Variants in FHIT observed in about 807,000 individuals in gnomAD.
The protein encoded by FHIT is fragile histidine triad diadenosine triphosphatase.
Under a neutral mutation model 17.9 loss-of-function variants are expected in FHIT, and 19 were observed. The ratio of observed to expected loss-of-function variants is 1.06; its 90% CI spans 0.74 to 1.56. The LOEUF is 1.56. Among genes scored for constraint, FHIT ranks in the 40% most tolerant of loss-of-function variants. The probability of loss-of-function intolerance (pLI) is 0.00; values close to 1 mark genes in which losing one functional copy is unlikely to be tolerated. For synonymous variants in FHIT, 81 were observed against 69.7 expected, an observed-to-expected ratio of 1.16 and a Z score of -0.81; for missense variants, 248 against 189.2, an observed-to-expected ratio of 1.31 and a Z score of -1.82.
chr3:59,818,506 A>G lies in FHIT; in HGVS notation c.349-66185T>C, dbSNP rs1700681598. 2.3e-5 allele frequency among the ~76,000 whole-genome samples: 3 copies of G among 133,162 alleles called. No individual in the cohort carries two copies. In the Admixed American group the frequency reaches 2.4e-4, roughly 11 times the overall value. The allele number at this position is 133,162 out of a possible 152,430, so 87.4% of individuals were successfully genotyped here. The stretch of plus-strand genomic sequence containing the variant: ...AGTCATTTACAGTAAGATACACGTA[A>G]ATAATAGTCCAGGAGGTAAAATGTG... On this transcript the variant is annotated intron_variant, in intron 8 of 9. Coordinates refer to ENST00000492590, the MANE Select transcript of FHIT (RefSeq NM_002012.4).
Position 59,797,438 on chromosome 3 carries a change from T to G in FHIT, c.349-45117A>C, listed in dbSNP as rs1018609019. ...CTGACTTCATGTGATCCGACCACCT[T>G]GGCCTCCCAAAATGTTGGGATTACA... On this transcript the variant is annotated intron_variant, in intron 8 of 9. Transcript: ENST00000492590. 2.6e-5 allele frequency among the ~76,000 whole-genome samples: 4 copies of G among 152,196 alleles called. No individual in the cohort carries two copies. The East Asian group carries it at 7.7e-4, about 29-fold the overall frequency.
intron 5 of FHIT, among the ~76,000 whole-genome samples, chr3:60,077,738 AGGG>A (rs138544854): frequency 1.6e-5 from 2 of 122,516 alleles, no homozygotes; most frequent in Non-Finnish European, 3.3e-5. Flanking sequence ...ACATATATAG[AGGG>A]GGGGGGGAGG....
intron 5 of FHIT, among the ~76,000 whole-genome samples, chr3:60,470,057 T>C (rs2033006727): frequency 7.4e-6 from 1 of 135,144 alleles, no homozygotes; most frequent in African/African-American, 3.0e-5. Flanking sequence ...TCTCTCTTTC[T>C]TTCTCTCTCT....
intron 5 of FHIT, among the ~76,000 whole-genome samples, chr3:60,164,495 A>G (rs1354189238): frequency 6.6e-6 from 1 of 152,194 alleles, no homozygotes; most frequent in African/African-American, 2.4e-5. Context: ...ATGTAACCTC[A>G]ACTGACAAGT....
chr3:60,258,629 A>T (rs1325428220), intron 5 of FHIT, among the ~76,000 whole-genome samples: 1 of 152,166 alleles, frequency 6.6e-6, no homozygotes, highest in East Asian at 1.9e-4. Context: ...TGAGGCACCT[A>T]TAACAAAAGG....
intron 8 of FHIT, among the ~76,000 whole-genome samples, chr3:59,830,622 C>T (rs1701131412): frequency 6.6e-6 from 1 of 152,172 alleles, no homozygotes; most frequent in Admixed American, 6.5e-5. Context: ...CAAACTCCCC[C>T]ATTCTTTCAT....
chr3:60,423,896 C>G (rs535550501), intron 5 of FHIT, among the ~76,000 whole-genome samples: 1 of 152,188 alleles, frequency 6.6e-6, no homozygotes, highest in African/African-American at 2.4e-5. Context: ...TCATTTCCCC[C>G]ACCTTTTCTC....
At position 61,036,741 on chromosome 3, in the gene FHIT, T is replaced by C. The variant is rs867043597; in HGVS notation, c.-111+5306A>G. ...TCTAGGCTCTAATATACTCAGATTA[T>C]TGATTTAAACCGGTGAGCACAATAA... On this transcript the variant is annotated intron_variant, in intron 3 of 9. Transcript: ENST00000492590. Among the ~76,000 whole-genome samples the C allele has an allele frequency of 2.6e-5, 4 of 152,238 alleles. No homozygotes were observed. In the Middle Eastern group the frequency reaches 0.01, roughly 388 times the overall value.
chr3:60,054,941 T>G (rs1348818068), intron 5 of FHIT, among the ~76,000 whole-genome samples: 1 of 152,206 alleles, frequency 6.6e-6, no homozygotes, highest in Admixed American at 6.5e-5. Context: ...GAAGTGGGAA[T>G]GGCTACCTTT....
At chr3:59,786,299 C>T (rs1293257425) in intron 8 of FHIT, among the ~76,000 whole-genome samples, 1 of 152,158 alleles carries the variant, frequency 6.6e-6, no homozygotes, top group Non-Finnish European at 1.5e-5. Flanking sequence ...GAATTTGACC[C>T]CCACTGGCTA....
chr3:60,161,000 AGT>A (rs1700915774), intron 5 of FHIT, among the ~76,000 whole-genome samples: 1 of 152,200 alleles, frequency 6.6e-6, no homozygotes, highest in South Asian at 2.1e-4. Flanking sequence ...CACAAGAAAC[AGT>A]GTATTTCTTT....
At position 59,894,632 on chromosome 3, in the gene FHIT, T is replaced by G. The variant is rs1019843249; in HGVS notation, c.348+27714A>C. Among the ~76,000 whole-genome samples, 4 of 152,140 alleles carry G rather than the reference T, an allele frequency of 2.6e-5. No homozygotes were observed. The East Asian group carries it at 7.7e-4, about 29-fold the overall frequency. On this transcript the variant is annotated intron_variant, in intron 8 of 9. Coordinates refer to ENST00000492590, the MANE Select transcript of FHIT (RefSeq NM_002012.4). ...AACTGGATAGACTCTACCACCAAGA[T>G]GTGATGTGTTGCGATGGTGGTTCTG...
intron 3 of FHIT, among the ~76,000 whole-genome samples, chr3:61,007,054 C>A (rs1451210459): frequency 6.6e-6 from 1 of 152,048 alleles, no homozygotes; most frequent in Admixed American, 6.5e-5. Flanking sequence ...TTTTTAAAAG[C>A]TTATCATAGA....
rs1701935519 is a variant in FHIT at position 60,052,817 on chromosome 3, T to A, written c.104-38665A>T. ...AGTATATAAAATATATAAGTATATA[T>A]TACACATATAATTTTTTCTTAGTAT... On this transcript the variant is annotated intron_variant, in intron 5 of 9. Coordinates refer to ENST00000492590, the MANE Select transcript of FHIT (RefSeq NM_002012.4). Among the ~76,000 whole-genome samples, 6 of 148,832 alleles carry A rather than the reference T, an allele frequency of 4.0e-5. No individual in the cohort carries two copies. In the South Asian group the frequency reaches 1.3e-3, roughly 31 times the overall value.
chr3:61,207,532 T>C (rs923665406), intron 1 of FHIT, among the ~76,000 whole-genome samples: 1 of 152,116 alleles, frequency 6.6e-6, no homozygotes, highest in African/African-American at 2.4e-5. Flanking sequence ...TCAACTTCTT[T>C]CTGGTTTAGT....
rs570098844 is a variant in FHIT at position 60,947,682 on chromosome 3, G to C, written c.-111+94365C>G. On this transcript the variant is annotated intron_variant, in intron 3 of 9. Coordinates refer to ENST00000492590, the MANE Select transcript of FHIT (RefSeq NM_002012.4). Reference sequence around the variant, plus strand: ...ACACACAGACATCCAGAATGGTCTTGTGATCATGTCTTCAGAAGTTTGGCT... The same window carrying C: ...ACACACAGACATCCAGAATGGTCTTCTGATCATGTCTTCAGAAGTTTGGCT... Among the ~76,000 whole-genome samples the C allele has an allele frequency of 4.6e-5, 7 of 152,306 alleles. No homozygotes were observed. In the South Asian group the frequency reaches 1.5e-3, roughly 32 times the overall value.
chr3:60,525,645 A>AC (rs2035545730), intron 5 of FHIT, among the ~76,000 whole-genome samples: 4 of 152,302 alleles, frequency 2.6e-5, no homozygotes, highest in South Asian at 2.1e-4. Flanking sequence ...AAATCTCTCC[A>AC]TTTTAAAATT....
At chr3:60,106,720 C>T (rs549575873) in intron 5 of FHIT, among the ~76,000 whole-genome samples, 9 of 152,270 alleles carry the variant, frequency 5.9e-5, no homozygotes, top group East Asian at 1.9e-4. Context: ...ATGTAGTGTA[C>T]GCCCATTGGT....
At chr3:60,222,893 T>A (rs974139423) in intron 5 of FHIT, among the ~76,000 whole-genome samples, 50 of 152,060 alleles carry the variant, frequency 3.3e-4, no homozygotes, top group African/African-American at 1.2e-3. Context: ...AGAGCGAGAC[T>A]CCATCTCAAA....
Sources: allele counts gnomAD v4.1 joint callset (sites outside exome capture counted in the v4.1 genomes callset), GRCh38; gene constraint gnomAD v4.1.1; transcripts MANE v1.5; gene names NCBI Gene and HGNC (gene_info 2026-07-23, HGNC 2026-07-21).